ELP5: variants seen among roughly 807,000 people sequenced by gnomAD.
ELP5 encodes the protein elongator acetyltransferase complex subunit 5, also known as elongator complex protein 5.
A neutral mutation model predicts 33.4 loss-of-function variants in ELP5; 34 were observed. That is an observed-to-expected ratio of 1.02 (90% CI 0.78 to 1.36). The LOEUF is 1.36. Ranked by LOEUF, ELP5 falls within the 40% of genes most tolerant of loss-of-function variation. ELP5 has a pLI of 0.00. For synonymous variants in ELP5, 161 were observed against 146.4 expected, an observed-to-expected ratio of 1.10 and a Z score of -0.72; for missense variants, 373 against 371.7, an observed-to-expected ratio of 1.00 and a Z score of -0.03.
Position 7,256,967 on chromosome 17 carries a change from C to G in ELP5, c.520C>G (p.Leu174Val). 1 of 1,613,224 alleles carries G rather than the reference C, an allele frequency of 6.2e-7. No individual in the cohort carries two copies. Among genetic ancestry groups the G allele is most frequent in the South Asian group, 1.1e-5 (1 of 91,068 alleles). The change falls in exon 5 of 8, where the codon CTG becomes GTG. Residue 174 changes from leucine to valine, a missense_variant. Transcript: ENST00000396628. ...LSSLAQTEVT[L>V]GGTMGQASAH... ...CAGCCTTGCTCAGACTGAGGTGACCCTGGGCGGTACCATGGGCCAGGCCTC... is the reference window on the plus strand; with the variant it reads ...CAGCCTTGCTCAGACTGAGGTGACCGTGGGCGGTACCATGGGCCAGGCCTC...
intron 3 of ELP5, among the ~76,000 whole-genome samples, chr17:7,254,033 A>AAGG (rs1315604274): frequency 3.0e-5 from 3 of 100,282 alleles, no homozygotes; most frequent in Non-Finnish European, 6.0e-5. Context: ...ACAAGAGAAG[A>AAGG]TAGAAAAGAG....
At chr17:7,252,007 C>G (rs542868190), upstream of ELP5, 2 of 188,326 alleles carry the variant, frequency 1.1e-5, no homozygotes, top group Non-Finnish European at 2.3e-5. Flanking sequence ...CCTCCTCTTC[C>G]CCTTTGACAC....
upstream of ELP5, chr17:7,252,198 G>C: frequency 2.5e-6 from 1 of 407,548 alleles, no homozygotes. Flanking sequence ...AACTGCGTGG[G>C]CGGGGAGAGT....
intron 7 of ELP5, 66 bp from the exon 8 acceptor site, chr17:7,259,505 C>T: frequency 8.1e-6 from 13 of 1,598,552 alleles, no homozygotes; most frequent in Non-Finnish European, 1.1e-5. Context: ...TCACAGTCAC[C>T]TGGAAGAAAG....
Position 7,259,484 on chromosome 17 carries a change from C to T in ELP5, c.789-87C>T. ...ATGACATGGAGGCCTAACAGGTTGCCTGAATGAGAGTCACAGTCACCTGGA... is the reference window on the plus strand; with the variant it reads ...ATGACATGGAGGCCTAACAGGTTGCTTGAATGAGAGTCACAGTCACCTGGA... On this transcript the variant is annotated intron_variant, in intron 7 of 7. Coordinates refer to ENST00000396628, the MANE Select transcript of ELP5 (RefSeq NM_203414.3). The T allele has an allele frequency of 3.2e-6, 5 of 1,580,904 alleles. No individual in the cohort carries two copies. The South Asian group carries it at 3.4e-5, about 11-fold the overall frequency.
In ELP5 at chr17:7,259,593, A is replaced by C. The variant is rs199964921; in HGVS notation, c.811A>C (p.Arg271=). 1 of 1,614,254 alleles carries C rather than the reference A, an allele frequency of 6.2e-7. No individual in the cohort carries two copies. The highest frequency in any genetic ancestry group is 1.3e-5 in the African/African-American group (1 of 75,080). ...CAGACAGCAGGCTCTCCTGCGGCCT[A>C]GGCCAGGGCAGGCTACCAGCCACAT... ...SEKQQALLRP[R]PGQATSHIFY... Residue 271 remains arginine (R), a synonymous_variant, in exon 8 of 8, where the codon AGG becomes CGG. Coordinates refer to ENST00000396628, the MANE Select transcript of ELP5 (RefSeq NM_203414.3).
intron 4 of ELP5, among the ~76,000 whole-genome samples, chr17:7,256,548 G>A (rs534562446): frequency 1.3e-5 from 2 of 152,330 alleles, no homozygotes; most frequent in African/African-American, 2.4e-5. Context: ...AAGTACTTCC[G>A]TGTGTAAGAG....
chr17:7,259,435 G>A (rs2072160333), intron 7 of ELP5, 136 bp from the exon 8 acceptor site: 4 of 1,482,042 alleles, frequency 2.7e-6, no homozygotes, highest in Middle Eastern at 5.0e-4. Context: ...ATGGAGGTCA[G>A]AGAAAGGGAC....
rs781174548 is a variant in ELP5 at position 7,253,016 on chromosome 17, G to A, written c.188+18G>A. 5 of 1,613,270 alleles carry A rather than the reference G, an allele frequency of 3.1e-6. No individual in the cohort carries two copies. In the African/African-American group the frequency reaches 4.0e-5, roughly 13 times the overall value. ...AACAATCGGTAAGTACCAGTTGGAAGAGATTTGATTAAATTTGAGACCTAT... is the reference window on the plus strand; with the variant it reads ...AACAATCGGTAAGTACCAGTTGGAAAAGATTTGATTAAATTTGAGACCTAT... On this transcript the variant is annotated intron_variant, in intron 3 of 7. Transcript: ENST00000396628.
chr17:7,254,910 CT>C, intron 4 of ELP5, 107 bp downstream of exon 4: 2 of 857,750 alleles, frequency 2.3e-6, no homozygotes, highest in Non-Finnish European at 1.7e-6. Flanking sequence ...CCAGTCAGAC[CT>C]TTTTTCATTT....
chr17:7,254,857 G>A, intron 4 of ELP5, 54 bp downstream of exon 4: 1 of 1,477,146 alleles, frequency 6.8e-7, no homozygotes, highest in Non-Finnish European at 9.4e-7. Context: ...GCCAAGGAGT[G>A]TGCCCCTTTT....
chr17:7,258,910 C>T lies in ELP5; in HGVS notation c.772C>T (p.Gln258Ter), dbSNP rs866566361. The T allele has an allele frequency of 3.7e-6, 6 of 1,614,116 alleles. No homozygotes were observed. Among genetic ancestry groups the T allele is most frequent in the East Asian group, 2.2e-5 (1 of 44,884 alleles). The change falls in exon 7 of 8, where the codon CAG becomes TAG. Residue 258 changes from glutamine (Q) to a stop codon, truncating the protein, a stop_gained. Transcript: ENST00000396628. LOFTEE classifies it high-confidence loss of function. ...CAGAGATAGCCTGATCCTGCCCTTC[C>T]AGTTCAGTTCTGAAAAGTAAGGTTG... ...EARDSLILPF[Q>*]FSSEKQQALL...
At chr17:7,256,527 C>G (rs2072078722) in intron 4 of ELP5, among the ~76,000 whole-genome samples, 2 of 152,152 alleles carry the variant, frequency 1.3e-5, no homozygotes, top group African/African-American at 4.8e-5. Context: ...TTGGGAAGTT[C>G]CAGAAACTAC....
chr17:7,258,525 G>T, intron 5 of ELP5, 63 bp from the exon 6 acceptor site: 4 of 1,507,900 alleles, frequency 2.7e-6, no homozygotes, highest in South Asian at 1.1e-5. Context: ...AGGATGTGAG[G>T]TCCTGGAGTC....
intron 5 of ELP5, among the ~76,000 whole-genome samples, chr17:7,257,324 A>G (rs1169682965): frequency 2.0e-5 from 3 of 152,086 alleles, no homozygotes; most frequent in African/African-American, 7.2e-5. Context: ...TCTGTTTTCT[A>G]TCACTCACTT....
chr17:7,258,992 G>C (rs1010753905), intron 7 of ELP5, 66 bp downstream of exon 7: 1 of 1,604,840 alleles, frequency 6.2e-7, no homozygotes, highest in African/African-American at 1.3e-5. Context: ...TGGAGAGGTT[G>C]GGGCAACAGG....
At chr17:7,254,919 T>A in intron 4 of ELP5, 116 bp downstream of exon 4, 1 of 772,952 alleles carries the variant, frequency 1.3e-6, no homozygotes, top group Non-Finnish European at 1.9e-6. Flanking sequence ...CCTTTTTTCA[T>A]TTTTTTGACT....
Position 7,254,652 on chromosome 17 carries a change from GC to G in ELP5, c.260del (p.Pro87ArgfsTer5), listed in dbSNP as rs2072031815. 1 of 1,613,954 alleles carries G rather than the reference GC, an allele frequency of 6.2e-7. No individual in the cohort carries two copies. Among genetic ancestry groups the G allele is most frequent in the African/African-American group, 1.3e-5 (1 of 74,866 alleles). On this transcript the variant is annotated frameshift_variant, in exon 4 of 8. Transcript: ENST00000396628. LOFTEE classifies it high-confidence loss of function. Reference protein sequence around the residue: ...SKTEEAFPGGPLGALRAMCKR... With the variant: ...SKTEEAFPGGXLGALRAMCKR... ...AAACTGAGGAGGCCTTTCCTGGGGGGCCGCTGGGAGCCTTGAGAGCCATGTG... is the reference window on the plus strand; with the variant it reads ...AAACTGAGGAGGCCTTTCCTGGGGGGCGCTGGGAGCCTTGAGAGCCATGTG...
chr17:7,258,944 G>A lies in ELP5; in HGVS notation c.788+18G>A. On this transcript the variant is annotated intron_variant, in intron 7 of 7. Transcript: ENST00000396628. ...TCTGAAAAGTAAGGTTGGGACCTGG[G>A]TACGTGGATCCCTGAGTAGATCCCA... 1 of 1,614,098 alleles carries A rather than the reference G, an allele frequency of 6.2e-7. No individual in the cohort carries two copies. Among genetic ancestry groups the A allele is most frequent in the Non-Finnish European group, 8.5e-7 (1 of 1,180,000 alleles).
Sources: allele counts gnomAD v4.1 joint callset (sites outside exome capture counted in the v4.1 genomes callset), GRCh38; gene constraint gnomAD v4.1.1; transcripts MANE v1.5; gene names NCBI Gene and HGNC (gene_info 2026-07-23, HGNC 2026-07-21).